Variants in LMF1 observed in about 807,000 individuals in gnomAD.
The protein encoded by LMF1 is lipase maturation factor 1.
LMF1 carries 68 observed loss-of-function variants against 60.6 expected under a neutral mutation model. The observed-to-expected ratio is 1.12, with a 90% CI of 0.92 to 1.37. LMF1 has a LOEUF of 1.37. Ranked by LOEUF, LMF1 falls within the 40% of genes most tolerant of loss-of-function variation. LMF1 has a pLI of 0.00. For synonymous variants in LMF1, 418 were observed against 324.7 expected (o/e 1.29, Z -3.09); for missense variants, 948 against 767.2 (o/e 1.24, Z -2.78).
intron 3 of LMF1, among the ~76,000 whole-genome samples, chr16:916,993 G>A (rs530425263): frequency 4.6e-5 from 7 of 152,286 alleles, no homozygotes; most frequent in East Asian, 1.9e-4. Context: ...TCTGCGCAGC[G>A]AGCTCTGAGA....
intron 3 of LMF1, among the ~76,000 whole-genome samples, chr16:912,871 C>T (rs1241422357): frequency 1.3e-5 from 2 of 152,372 alleles, no homozygotes; most frequent in Non-Finnish European, 1.5e-5. Flanking sequence ...GCGGACAACG[C>T]GTCCCCAGGA....
intron 1 of LMF1, among the ~76,000 whole-genome samples, chr16:955,317 G>C (rs1271104569): frequency 1.3e-5 from 2 of 148,936 alleles, no homozygotes; most frequent in African/African-American, 2.5e-5. Flanking sequence ...CAGACGCGGT[G>C]TGTGCATACA....
At chr16:905,098 G>C in intron 4 of LMF1, 1 of 167,488 alleles carries the variant, frequency 6.0e-6, no homozygotes, top group East Asian at 2.0e-4. Flanking sequence ...CTGCCTGTGA[G>C]GACGCCTGTC....
At chr16:915,864 C>T (rs559125941) in intron 3 of LMF1, among the ~76,000 whole-genome samples, 64 of 151,710 alleles carry the variant, frequency 4.2e-4, no homozygotes, top group Admixed American at 2.1e-3. Context: ...GCACGTGGGA[C>T]GCGGGGGCCG....
At chr16:956,334 CTGA>C (rs2072704360) in intron 1 of LMF1, among the ~76,000 whole-genome samples, 1 of 152,140 alleles carries the variant, frequency 6.6e-6, no homozygotes, top group Non-Finnish European at 1.5e-5. Context: ...TTGTAGAACA[CTGA>C]ATGCTTACCC....
Position 878,380 on chromosome 16 carries a change from G to T in LMF1, c.897+1190C>A, listed in dbSNP as rs1172339317. Reference sequence around the variant, plus strand: ...GTCAGGAGCTGCTCAGGGCCCCGGCGGCCAGAGTGAGGGTCCTTGCTGGGG... The same window carrying T: ...GTCAGGAGCTGCTCAGGGCCCCGGCTGCCAGAGTGAGGGTCCTTGCTGGGG... On this transcript the variant is annotated intron_variant, in intron 6 of 10. Coordinates refer to ENST00000262301, the MANE Select transcript of LMF1 (RefSeq NM_022773.4). This position sits in a 1 kb window ranked among gnomAD's most constrained non-coding sequence, Gnocchi z 5.2. 6.6e-6 allele frequency among the ~76,000 whole-genome samples: 1 copy of T among 152,150 alleles called. No individual in the cohort carries two copies. The highest frequency in any genetic ancestry group is 2.4e-5 in the African/African-American group (1 of 41,436).
intron 4 of LMF1, among the ~76,000 whole-genome samples, chr16:907,851 C>A (rs2071008836): frequency 6.6e-6 from 1 of 152,206 alleles, no homozygotes; most frequent in African/African-American, 2.4e-5. Context: ...CCTTTTAGTG[C>A]ACCTGATAAT....
chr16:854,560 CG>C lies in LMF1; in HGVS notation c.1675del (p.Arg559ValfsTer113). The C allele has an allele frequency of 6.2e-7, 1 of 1,608,518 alleles. No homozygotes were observed. The highest frequency in any genetic ancestry group is 8.5e-7 in the Non-Finnish European group (1 of 1,179,094). On this transcript the variant is annotated frameshift_variant, in exon 11 of 11. Coordinates refer to ENST00000262301, the MANE Select transcript of LMF1 (RefSeq NM_022773.4). LOFTEE classifies it low-confidence loss of function (END_TRUNC). Reference sequence around the variant, plus strand: ...GAGGGGCCCGGGCAGAGGCCACCCACGGTCCCTGAAGTAGGGCCTCAGCTCC... The same window carrying C: ...GAGGGGCCCGGGCAGAGGCCACCCACGTCCCTGAAGTAGGGCCTCAGCTCC... Reference protein sequence around the residue: ...LEELRPYFRDRGWPLPGPL With the variant: ...LEELRPYFRDXGWPLPGPL
rs117704153 is a variant in LMF1 at position 885,294 on chromosome 16, C to T, written c.730-5557G>A. ...GAGTCACAAAAATATTCAATTAATCCAGAGGAAGGTGTAAAATAACAGCAA... is the reference window on the plus strand; with the variant it reads ...GAGTCACAAAAATATTCAATTAATCTAGAGGAAGGTGTAAAATAACAGCAA... On this transcript the variant is annotated intron_variant, in intron 5 of 10. Coordinates refer to ENST00000262301, the MANE Select transcript of LMF1 (RefSeq NM_022773.4). Among the ~76,000 whole-genome samples, 662 of 152,194 alleles carry T rather than the reference C, an allele frequency of 4.3e-3. 1 individual carries two copies. The highest frequency in any genetic ancestry group is 0.015 in the East Asian group (80 of 5,190).
rs1406902398 is a variant in LMF1, at chr16:870,770, G to A, written c.1191C>T (p.Phe397=). 2.5e-6 allele frequency: 4 copies of A among 1,613,044 alleles called. No individual in the cohort carries two copies. The Middle Eastern group carries it at 5.0e-4, about 200-fold the overall frequency. The change falls in exon 8 of 11, where the codon TTC becomes TTT. Residue 397 remains phenylalanine (F), a synonymous_variant. Transcript: ENST00000262301. Reference sequence around the variant, plus strand: ...AAGTGTTGACGATGTGAAGAGAGTTGAAGTGGGTGTTCATGACCTGCCTGG... The same window carrying A: ...AAGTGTTGACGATGTGAAGAGAGTTAAAGTGGGTGTTCATGACCTGCCTGG... ...LSSRQVMNTH[F]NSLHIVNTYG... is the part of the protein sequence containing the mutation.
chr16:887,552 G>T (rs1046334730), intron 5 of LMF1, among the ~76,000 whole-genome samples: 1 of 152,176 alleles, frequency 6.6e-6, no homozygotes, highest in Non-Finnish European at 1.5e-5. Flanking sequence ...TCCCTGGGGG[G>T]CGTCCACAGC....
chr16:879,582 C>CTGCA lies in LMF1; in HGVS notation c.881_884dup (p.Gln295HisfsTer31). 1 of 1,613,002 alleles carries CTGCA rather than the reference C, an allele frequency of 6.2e-7. No individual in the cohort carries two copies. On this transcript the variant is annotated frameshift_variant, in exon 6 of 11. Transcript: ENST00000262301. LOFTEE classifies it high-confidence loss of function. ...GGCGCGGGCTCACCTGGAACAGGAT[C>CTGCA]TGCAGCACCCCGTGGATGATGCACG...
intron 3 of LMF1, among the ~76,000 whole-genome samples, chr16:922,331 T>C (rs1479084372): frequency 6.6e-6 from 1 of 152,148 alleles, no homozygotes; most frequent in Non-Finnish European, 1.5e-5. Flanking sequence ...GATCCAGCTG[T>C]GAGCTCTCAC....
Position 954,125 on chromosome 16 carries a change from T to C in LMF1, c.503+232A>G, listed in dbSNP as rs1231369712. ...CTCCAGTAAGCTGGCAACGCAGTCC[T>C]TTAAGTAAGGAAGAGCTACTGCAAA... On this transcript the variant is annotated intron_variant, in intron 2 of 10. Coordinates refer to ENST00000262301, the MANE Select transcript of LMF1 (RefSeq NM_022773.4). The C allele has an allele frequency of 9.1e-6, 6 of 656,650 alleles. No individual in the cohort carries two copies. The African/African-American group carries it at 1.1e-4, about 12-fold the overall frequency. 40.7% of individuals were successfully genotyped at this position (656,650 alleles called of 1,614,324 possible).
intron 5 of LMF1, among the ~76,000 whole-genome samples, chr16:889,695 G>T (rs1262506487): frequency 6.6e-6 from 1 of 152,186 alleles, no homozygotes; most frequent in African/African-American, 2.4e-5. Context: ...AATGCTGTGG[G>T]GCAGAGGGCA....
chr16:890,759 A>C (rs1249907733), intron 5 of LMF1, among the ~76,000 whole-genome samples: 1 of 152,160 alleles, frequency 6.6e-6, no homozygotes, highest in Non-Finnish European at 1.5e-5. Context: ...ACTTCATCTT[A>C]ACTAATCACA....
At chr16:963,993 G>C in intron 1 of LMF1, 1 of 455,166 alleles carries the variant, frequency 2.2e-6, no homozygotes, top group African/African-American at 2.0e-5. Flanking sequence ...CCCCACACGG[G>C]AGGCAGCAGA....
chr16:910,019 G>A (rs1049426257), intron 4 of LMF1, among the ~76,000 whole-genome samples: 3 of 152,226 alleles, frequency 2.0e-5, no homozygotes, highest in Admixed American at 2.0e-4. Context: ...ATATCTGTAC[G>A]ACATGGTTTC....
intron 6 of LMF1, chr16:872,263 C>T (rs1229504189): frequency 6.6e-6 from 1 of 152,174 alleles, no homozygotes; most frequent in Non-Finnish European, 1.5e-5. Context: ...CTCCGTCAGC[C>T]AGATTTGATG....
Sources: gnomAD v4.1 joint callset for allele counts (sites outside exome capture counted in the v4.1 genomes callset) on GRCh38, gnomAD v4.1.1 for gene constraint, Gnocchi (gnomAD v3.1) non-coding constraint, MANE v1.5 for transcripts, NCBI Gene and HGNC (gene_info 2026-07-23, HGNC 2026-07-21) for gene names.